Variants in FOXO4 observed in about 807,000 individuals in gnomAD.
The protein encoded by FOXO4 is forkhead box O4, also known as forkhead box protein O4.
A neutral mutation model predicts 20.8 loss-of-function variants in FOXO4; 3 were observed. That is an observed-to-expected ratio of 0.14 (90% CI 0.07 to 0.37). The LOEUF (loss-of-function observed/expected upper bound fraction) is 0.37. Ranked by LOEUF, FOXO4 falls within the 10% of genes least tolerant of loss-of-function variation. The probability of loss-of-function intolerance (pLI) is 1.00; values close to 1 mark genes in which losing one functional copy is unlikely to be tolerated. For synonymous variants in FOXO4, 158 were observed against 180.0 expected, an observed-to-expected ratio of 0.88 and a Z score of 0.98; for missense variants, 309 against 431.9, an observed-to-expected ratio of 0.72 and a Z score of 2.52.
rs2092219548 is a variant in FOXO4, at chrX:71,096,870, T to C, written c.342T>C (p.Ile114=). The change falls in exon 1 of 3, where the codon ATT becomes ATC. Residue 114 remains isoleucine (I), a synonymous_variant. Transcript: ENST00000374259. ...ATGCAGAACTCATCAGCCAGGCCAT[T>C]GAAAGCGCCCCGGAGAAGCGACTGA... ...QSYAELISQA[I]ESAPEKRLTL... is the part of the protein sequence containing the mutation. 8.3e-7 allele frequency: 1 copy of C among 1,208,520 alleles called. No homozygotes were observed.
chrX:71,101,583 T>C lies in FOXO4; in HGVS notation c.1353T>C (p.Thr451=). ...CCCCCATCCCCAAGGCTCTGGGGACTCCTGTGCTCACACCCCCTACTGAAG... is the reference window on the plus strand; with the variant it reads ...CCCCCATCCCCAAGGCTCTGGGGACCCCTGTGCTCACACCCCCTACTGAAG... The part of the protein sequence containing the change: ...ASAPIPKALG[T]PVLTPPTEAA... Residue 451 remains threonine (T), a synonymous_variant, in exon 2 of 3, where the codon ACT becomes ACC. Transcript: ENST00000374259. 8.3e-7 allele frequency: 1 copy of C among 1,211,403 alleles called. No homozygotes were observed. The highest frequency in any genetic ancestry group is 1.8e-5 in the South Asian group (1 of 56,964).
At chrX:71,097,834 C>T (rs942089747) in intron 1 of FOXO4, among the ~76,000 whole-genome samples, 1 of 111,690 alleles carries the variant, frequency 9.0e-6, no homozygotes, top group African/African-American at 3.3e-5. Flanking sequence ...GCCTCAAGCC[C>T]TATTGCTGGC....
At chrX:71,100,364 C>T (rs1454334522) in intron 1 of FOXO4, among the ~76,000 whole-genome samples, 1 of 109,689 alleles carries the variant, frequency 9.1e-6, no homozygotes, top group Non-Finnish European at 1.9e-5. Context: ...GTGGTCTCCC[C>T]TCACACCCCA....
At chrX:71,100,201 C>T (rs926581756) in intron 1 of FOXO4, among the ~76,000 whole-genome samples, 2 of 102,027 alleles carry the variant, frequency 2.0e-5, no homozygotes, top group Non-Finnish European at 2.0e-5. Flanking sequence ...AAAACACACA[C>T]GAAGCCCTGG....
Position 71,103,278 on chromosome X carries a change from A to C in FOXO4, c.*1194A>C, listed in dbSNP as rs2092236588. 5.9e-6 allele frequency: 1 copy of C among 169,495 alleles called. No individual in the cohort carries two copies. The highest frequency in any genetic ancestry group is 8.0e-5 in the Admixed American group (1 of 12,529). 14.0% of individuals were successfully genotyped at this position (169,495 alleles called of 1,213,427 possible). A position where few individuals can be genotyped will look rare whatever the true frequency, so the allele number is the denominator to read the frequency against. On this transcript the variant is annotated 3_prime_UTR_variant, in exon 3 of 3. Transcript: ENST00000374259. ...TTGGCTGAGGGTCTGGGAAATGAGC[A>C]GGGATGGGGGGGGATGTGGATCAGG...
chrX:71,099,535 T>A (rs750519105), intron 1 of FOXO4: 2 of 111,830 alleles, frequency 1.8e-5, no homozygotes, highest in South Asian at 7.5e-4. Context: ...AGGGCTTTGA[T>A]GGGGGATGTG....
rs1197976991 is a variant in FOXO4 at position 71,101,187 on chromosome X, A to G, written c.957A>G (p.Leu319=). ...GLNLTSSHSL[L]SRSGLSGFSL... is the part of the protein sequence containing the mutation. ...ATCTCACCTCTTCCCATTCCCTGCTATCTCGGAGTGGTCTCTCTGGCTTCT... is the reference window on the plus strand; with the variant it reads ...ATCTCACCTCTTCCCATTCCCTGCTGTCTCGGAGTGGTCTCTCTGGCTTCT... Residue 319 remains leucine, a synonymous_variant, in exon 2 of 3, where the codon CTA becomes CTG. Transcript: ENST00000374259. 1 of 1,208,891 alleles carries G rather than the reference A, an allele frequency of 8.3e-7. No homozygotes were observed. The highest frequency in any genetic ancestry group is 1.8e-5 in the African/African-American group (1 of 56,793).
In FOXO4 at chrX:71,102,133, G is replaced by A; in HGVS notation, c.*49G>A. 1 of 1,172,458 alleles carries A rather than the reference G, an allele frequency of 8.5e-7. No individual in the cohort carries two copies. The stretch of plus-strand genomic sequence containing the variant: ...CTGCTTCAGATGTGGAGCCAGGCGT[G>A]TTCATATCTACTCTTTACCCTTGAG... On this transcript the variant is annotated 3_prime_UTR_variant, in exon 3 of 3. Transcript: ENST00000374259.
rs2092228618 is a variant in FOXO4 at position 71,100,734 on chromosome X, C to T, written c.504C>T (p.His168=). 1.7e-6 allele frequency: 2 copies of T among 1,207,713 alleles called. No homozygotes were observed. The highest frequency in any genetic ancestry group is 1.1e-6 in the Non-Finnish European group (1 of 893,174). Reference sequence around the variant, plus strand: ...TGCACAGCAAGTTCATCAAGGTTCACAACGAGGCCACCGGCAAAAGCTCTT... The same window carrying T: ...TGCACAGCAAGTTCATCAAGGTTCATAACGAGGCCACCGGCAAAAGCTCTT... ...LSLHSKFIKV[H]NEATGKSSWW... is the part of the protein sequence containing the mutation. Residue 168 remains histidine (H), a synonymous_variant, in exon 2 of 3, where the codon CAC becomes CAT. Transcript: ENST00000374259.
intron 1 of FOXO4, among the ~76,000 whole-genome samples, chrX:71,098,274 A>G (rs2092222737): frequency 8.9e-6 from 1 of 112,425 alleles, no homozygotes; most frequent in African/African-American, 3.2e-5. Context: ...ACATTAGGAA[A>G]CTAGGTACCA....
chrX:71,097,550 A>G (rs1348434281), intron 1 of FOXO4, among the ~76,000 whole-genome samples: 1 of 111,698 alleles, frequency 9.0e-6, no homozygotes, highest in Non-Finnish European at 1.9e-5. Context: ...TCATGCACTA[A>G]GAAGAAAAAG....
At position 71,101,182 on chromosome X, in the gene FOXO4, C is replaced by T. The variant is rs762840918; in HGVS notation, c.952C>T (p.Leu318=). 3.3e-6 allele frequency: 4 copies of T among 1,211,612 alleles called. No homozygotes were observed. In the Admixed American group the frequency reaches 8.7e-5, roughly 26 times the overall value. The change falls in exon 2 of 3, where the codon CTG becomes TTG. Residue 318 remains leucine, a synonymous_variant. Coordinates refer to ENST00000374259, the MANE Select transcript of FOXO4 (RefSeq NM_005938.4). ...GCTCAATCTCACCTCTTCCCATTCC[C>T]TGCTATCTCGGAGTGGTCTCTCTGG... The part of the protein sequence containing the change: ...DGLNLTSSHS[L]LSRSGLSGFS...
intron 1 of FOXO4, among the ~76,000 whole-genome samples, chrX:71,099,681 A>G (rs1351595039): frequency 3.6e-5 from 4 of 111,975 alleles, no homozygotes; most frequent in African/African-American, 1.3e-4. Context: ...TGGCTGCCAA[A>G]GTCAAGCAGC....
At chrX:71,097,355 T>G (rs2092220844) in intron 1 of FOXO4, among the ~76,000 whole-genome samples, 1 of 102,276 alleles carries the variant, frequency 9.8e-6, no homozygotes, top group African/African-American at 3.5e-5. Context: ...GAACCTACCC[T>G]TCCCTCCTCC....
chrX:71,099,337 T>G (rs2092225047), intron 1 of FOXO4: 1 of 111,448 alleles, frequency 9.0e-6, no homozygotes, highest in South Asian at 3.7e-4. Context: ...TAGTAGAATG[T>G]CACCAGTGAG....
Position 71,101,085 on chromosome X carries a change from A to G in FOXO4, c.855A>G (p.Ile285Met). ...AGTCTGAGGTGCTGGCGGAGGAAATACCAGCTTCAGTCAGCAGTTATGCAG... is the reference window on the plus strand; with the variant it reads ...AGTCTGAGGTGCTGGCGGAGGAAATGCCAGCTTCAGTCAGCAGTTATGCAG... ...RPESEVLAEE[I>M]PASVSSYAGG... is the part of the protein sequence containing the mutation. The change falls in exon 2 of 3, where the codon ATA becomes ATG. Residue 285 changes from isoleucine to methionine, a missense_variant. By Grantham distance (10) the Ile-to-Met change is conservative. This residue lies in a region of FOXO4 where 223 missense variants were observed against 302.7 expected (regional missense o/e 0.74). Coordinates refer to ENST00000374259, the MANE Select transcript of FOXO4 (RefSeq NM_005938.4). The G allele has an allele frequency of 8.3e-7, 1 of 1,211,782 alleles. No homozygotes were observed.
intron 1 of FOXO4, among the ~76,000 whole-genome samples, chrX:71,097,489 G>T (rs2092221232): frequency 9.0e-6 from 1 of 110,825 alleles, no homozygotes; most frequent in South Asian, 3.8e-4. Context: ...AGGAGGGAGT[G>T]CAGTGGCAAA....
rs2092231646 is a variant in FOXO4 at position 71,101,478 on chromosome X, C to G, written c.1248C>G (p.Pro416=). 3.3e-6 allele frequency: 4 copies of G among 1,211,671 alleles called. No individual in the cohort carries two copies. The highest frequency in any genetic ancestry group is 2.3e-4 in the Middle Eastern group (1 of 4,353). Residue 416 remains proline (P), a synonymous_variant, in exon 2 of 3, where the codon CCC becomes CCG. Transcript: ENST00000374259. ...SKLATGVGLC[P]KPLEAPGPSS... The stretch of plus-strand genomic sequence containing the variant: ...TGGCCACGGGCGTCGGCCTGTGTCC[C>G]AAGCCCCTAGAGGCTCCAGGCCCCA...
In FOXO4 at chrX:71,096,260, GAA is replaced by G. The variant is rs1163515941; in HGVS notation, c.-265_-264del. On this transcript the variant is annotated 5_prime_UTR_variant, in exon 1 of 3. Coordinates refer to ENST00000374259, the MANE Select transcript of FOXO4 (RefSeq NM_005938.4). The stretch of plus-strand genomic sequence containing the variant: ...GCAGGAAGCTGAGTGAGAGGTTGCA[GAA>G]AAAGTGTCTTCGCTCGGCAGAGGTT... The G allele has an allele frequency of 2.5e-6, 1 of 407,325 alleles. No homozygotes were observed. The highest frequency in any genetic ancestry group is 2.5e-5 in the African/African-American group (1 of 39,680). The allele number at this position is 407,325 out of a possible 1,213,427, so 33.6% of individuals were successfully genotyped here.
Sources: allele counts gnomAD v4.1 joint callset (sites outside exome capture counted in the v4.1 genomes callset), GRCh38; gene constraint gnomAD v4.1.1; regional missense constraint gnomAD v4.1.1; transcripts MANE v1.5; gene names NCBI Gene and HGNC (gene_info 2026-07-23, HGNC 2026-07-21).